Variants in EFCAB6 observed in about 807,000 individuals in gnomAD.
EFCAB6 encodes EF-hand calcium binding domain 6, also known as EF-hand calcium-binding domain-containing protein 6.
A neutral mutation model predicts 169.8 loss-of-function variants in EFCAB6; 156 were observed. The ratio of observed to expected loss-of-function variants is 0.92; its 90% CI spans 0.81 to 1.05. EFCAB6 has a LOEUF of 1.05. Ranked by LOEUF, EFCAB6 falls within the 50% of genes least tolerant of loss-of-function variation. EFCAB6 has a pLI of 0.00. For synonymous variants in EFCAB6, 698 were observed against 676.4 expected (o/e 1.03, Z -0.50); for missense variants, 1,800 against 1,829.1 (o/e 0.98, Z 0.29).
intron 13 of EFCAB6, among the ~76,000 whole-genome samples, chr22:43,677,078 C>T (rs934626408): frequency 6.6e-6 from 1 of 152,154 alleles, no homozygotes; most frequent in Non-Finnish European, 1.5e-5. Context: ...TTTTAAAAAA[C>T]ATTTCAACAA....
intron 17 of EFCAB6, among the ~76,000 whole-genome samples, chr22:43,660,083 C>A (rs2056930745): frequency 6.6e-6 from 1 of 152,180 alleles, no homozygotes; most frequent in Non-Finnish European, 1.5e-5. Context: ...GTGAGCTGAA[C>A]AATGTCCAAT....
At chr22:43,548,569 A>AAAAAAAAAT (rs1569140151) in intron 27 of EFCAB6, among the ~76,000 whole-genome samples, 5 of 129,812 alleles carry the variant, frequency 3.9e-5, no homozygotes, top group African/African-American at 1.4e-4. Flanking sequence ...AAAAAAAAAA[A>AAAAAAAAAT]AGGTCAACTC....
intron 27 of EFCAB6, chr22:43,553,296 G>A (rs1444380015): frequency 6.6e-6 from 1 of 152,290 alleles, no homozygotes; most frequent in African/African-American, 2.4e-5. Flanking sequence ...GGAGGAAGGA[G>A]GGAGGCAGAG....
chr22:43,687,158 C>T (rs2058228213), intron 11 of EFCAB6, among the ~76,000 whole-genome samples: 1 of 152,204 alleles, frequency 6.6e-6, no homozygotes, highest in African/African-American at 2.4e-5. Flanking sequence ...CCGTGGCGGC[C>T]TGTGTGCCTG....
chr22:43,552,486 T>C (rs1354499110), intron 27 of EFCAB6: 1 of 152,256 alleles, frequency 6.6e-6, no homozygotes, highest in Non-Finnish European at 1.5e-5. Context: ...TTTTGACTTT[T>C]AAATAGTAGC....
chr22:43,615,551 CAAAT>C (rs2080927753), intron 21 of EFCAB6, among the ~76,000 whole-genome samples: 1 of 152,126 alleles, frequency 6.6e-6, no homozygotes, highest in African/African-American at 2.4e-5. Flanking sequence ...TTGCACCAAC[CAAAT>C]AAATTTTTAA....
At chr22:43,538,574 A>C (rs1046504948) in intron 28 of EFCAB6, among the ~76,000 whole-genome samples, 3 of 152,088 alleles carry the variant, frequency 2.0e-5, no homozygotes, top group Admixed American at 2.0e-4. Flanking sequence ...TTTTCAGTAG[A>C]GATGGGGTTT....
At chr22:43,596,740 G>T (rs2052042013) in intron 23 of EFCAB6, among the ~76,000 whole-genome samples, 1 of 152,034 alleles carries the variant, frequency 6.6e-6, no homozygotes, top group Non-Finnish European at 1.5e-5. Context: ...CACAGAAATA[G>T]AAAAAACAAT....
intron 23 of EFCAB6, among the ~76,000 whole-genome samples, chr22:43,591,247 G>A (rs1421408110): frequency 6.6e-6 from 1 of 151,068 alleles, no homozygotes; most frequent in Non-Finnish European, 1.5e-5. Context: ...CACGAGGTCA[G>A]GAGTTCGAGA....
At chr22:43,670,691 T>C (rs542800609) in intron 15 of EFCAB6, among the ~76,000 whole-genome samples, 2 of 152,376 alleles carry the variant, frequency 1.3e-5, no homozygotes, top group African/African-American at 4.8e-5. Flanking sequence ...TGCTAACTAC[T>C]GTTGCCACAA....
chr22:43,590,973 TTTTG>T (rs1044748205), intron 23 of EFCAB6, among the ~76,000 whole-genome samples: 6 of 151,798 alleles, frequency 4.0e-5, no homozygotes, highest in Admixed American at 2.0e-4. Flanking sequence ...CCCCATTTTG[TTTTG>T]TTTGTTTTTT....
intron 26 of EFCAB6, among the ~76,000 whole-genome samples, chr22:43,560,776 G>A (rs1465159287): frequency 1.3e-5 from 2 of 152,198 alleles, no homozygotes; most frequent in Non-Finnish European, 2.9e-5. Context: ...CAACAGAGTG[G>A]CGCCCGGATT....
intron 6 of EFCAB6, among the ~76,000 whole-genome samples, chr22:43,740,084 C>T (rs1310581787): frequency 1.3e-5 from 2 of 152,130 alleles, no homozygotes; most frequent in Non-Finnish European, 2.9e-5. Flanking sequence ...CGCCTCAAGG[C>T]GCTGGCGCTT....
rs184574547 is a variant in EFCAB6 at position 43,612,538 on chromosome 22, T to C, written c.2562+3288A>G. On this transcript the variant is annotated intron_variant, in intron 21 of 31. Transcript: ENST00000262726. The stretch of plus-strand genomic sequence containing the variant: ...TGAAAAAAAGCTCATCAGTGATCAC[T>C]AGAGAAATGCAAATCAAAACCACAA... Among the ~76,000 whole-genome samples the C allele has an allele frequency of 2.6e-5, 4 of 152,030 alleles. No homozygotes were observed. In the East Asian group the frequency reaches 5.8e-4, roughly 22 times the overall value.
At chr22:43,738,927 G>A (rs1413053660) in intron 6 of EFCAB6, among the ~76,000 whole-genome samples, 2 of 152,080 alleles carry the variant, frequency 1.3e-5, no homozygotes, top group African/African-American at 2.4e-5. Context: ...TCCTACCTAT[G>A]GCCAGGTGGG....
intron 17 of EFCAB6, among the ~76,000 whole-genome samples, chr22:43,666,384 T>G (rs1010218342): frequency 6.6e-6 from 1 of 152,218 alleles, no homozygotes; most frequent in African/African-American, 2.4e-5. Context: ...TGTCCGGCAG[T>G]GGGGCAGGCA....
At chr22:43,579,775 A>G (rs988828362) in intron 25 of EFCAB6, among the ~76,000 whole-genome samples, 2 of 151,512 alleles carry the variant, frequency 1.3e-5, no homozygotes, top group Non-Finnish European at 2.9e-5. Flanking sequence ...CGCAGGCATC[A>G]TTCCCTACAG....
chr22:43,776,182 A>G (rs1203382172), intron 3 of EFCAB6, among the ~76,000 whole-genome samples: 1 of 152,126 alleles, frequency 6.6e-6, no homozygotes, highest in Non-Finnish European at 1.5e-5. Flanking sequence ...TGGAGTGGAG[A>G]TGCAAGTGTG....
intron 27 of EFCAB6, among the ~76,000 whole-genome samples, chr22:43,543,866 C>T (rs987698592): frequency 1.3e-5 from 2 of 152,134 alleles, no homozygotes; most frequent in African/African-American, 2.4e-5. Flanking sequence ...CAGCCCCAGT[C>T]CCGCACCAAG....
Sources: gnomAD v4.1 joint callset for allele counts (sites outside exome capture counted in the v4.1 genomes callset) on GRCh38, gnomAD v4.1.1 for gene constraint, MANE v1.5 for transcripts, NCBI Gene and HGNC (gene_info 2026-07-23, HGNC 2026-07-21) for gene names.